Variants in SDCBP2 observed in about 807,000 individuals in gnomAD.
The protein encoded by SDCBP2 is syndecan binding protein 2.
Under a neutral mutation model 30.7 loss-of-function variants are expected in SDCBP2, and 28 were observed. The observed-to-expected ratio is 0.91, with a 90% CI of 0.68 to 1.25. SDCBP2 has a LOEUF of 1.25. Ranked by LOEUF, SDCBP2 falls within the 50% of genes most tolerant of loss-of-function variation. The pLI is 0.00. For missense variants in SDCBP2, 399 were observed against 379.0 expected (o/e 1.05, Z -0.44); for synonymous variants, 166 against 157.3 (o/e 1.06, Z -0.41).
At chr20:1,322,900 A>C (rs1473837303) in intron 1 of SDCBP2, 1 of 152,214 alleles carries the variant, frequency 6.6e-6, no homozygotes, top group Non-Finnish European at 1.5e-5. Flanking sequence ...ATTAGTGCCA[A>C]TATTTAAAAA....
In SDCBP2 at chr20:1,319,473, C is replaced by T. The variant is rs2088824039; in HGVS notation, c.124+117G>A. ...CTGGAAGCCTGGTCCTCTCTTCCCA[C>T]CATGTTGAGTCCTTAACCCTGGAGC... On this transcript the variant is annotated intron_variant, in intron 3 of 8. Coordinates refer to ENST00000360779, the MANE Select transcript of SDCBP2 (RefSeq NM_080489.5). 8.9e-6 allele frequency: 10 copies of T among 1,120,622 alleles called. No homozygotes were observed. The East Asian group carries it at 2.3e-4, about 26-fold the overall frequency. The allele number at this position is 1,120,622 out of a possible 1,614,324, so 69.4% of individuals were successfully genotyped here.
At position 1,312,593 on chromosome 20, in the gene SDCBP2, C is replaced by G; in HGVS notation, c.554G>C (p.Arg185Pro). The change falls in exon 6 of 9, where the codon CGG (arginine) becomes CCG (proline). Residue 185 changes from arginine to proline, a missense_variant. Coordinates refer to ENST00000360779, the MANE Select transcript of SDCBP2 (RefSeq NM_080489.5). ...CCCGGGCCTGGCTACTCACCTGTCC[C>G]GAACCACCACGACAATCTTATCGCC... ...ASGDKIVVVV[R>P]DRPFQRTVTM... 6.2e-7 allele frequency: 1 copy of G among 1,613,820 alleles called. No homozygotes were observed. Among genetic ancestry groups the G allele is most frequent in the South Asian group, 1.1e-5 (1 of 91,078 alleles).
rs2088641946 is a variant in SDCBP2 at position 1,310,372 on chromosome 20, CCG to C, written c.*67_*68del. 6.6e-7 allele frequency: 1 copy of C among 1,511,766 alleles called. No homozygotes were observed. The highest frequency in any genetic ancestry group is 1.4e-5 in the African/African-American group (1 of 72,984). The allele number at this position is 1,511,766 out of a possible 1,614,324, so 93.6% of individuals were successfully genotyped here. A position where few individuals can be genotyped will look rare whatever the true frequency, so the allele number is the denominator to read the frequency against. Reference sequence around the variant, plus strand: ...CAGCAGGCCGGCTGCAACCCATCATCCGAGGGTGGTTGCCCTTTGCTGCAGGA... The same window carrying C: ...CAGCAGGCCGGCTGCAACCCATCATCAGGGTGGTTGCCCTTTGCTGCAGGA... On this transcript the variant is annotated 3_prime_UTR_variant, in exon 9 of 9. Coordinates refer to ENST00000360779, the MANE Select transcript of SDCBP2 (RefSeq NM_080489.5).
chr20:1,325,224 G>C (rs747308150), intron 1 of SDCBP2, among the ~76,000 whole-genome samples: 2 of 152,286 alleles, frequency 1.3e-5, no homozygotes, highest in African/African-American at 2.4e-5. Context: ...ATCTCGAAAT[G>C]ACTATAACCC....
chr20:1,326,353 C>T (rs528166504), intron 1 of SDCBP2, among the ~76,000 whole-genome samples: 1 of 152,382 alleles, frequency 6.6e-6, no homozygotes, highest in East Asian at 1.9e-4. Flanking sequence ...GCCATACCTA[C>T]TTCTTGCCCT....
At chr20:1,318,201 TG>T in intron 4 of SDCBP2, 116 bp downstream of exon 4, 1 of 763,544 alleles carries the variant, frequency 1.3e-6, no homozygotes, top group Non-Finnish European at 2.4e-6. Flanking sequence ...AGCAGAGTGC[TG>T]GGGAGAGGGG....
intron 4 of SDCBP2, among the ~76,000 whole-genome samples, chr20:1,317,016 T>A (rs1284347441): frequency 1.3e-5 from 2 of 152,176 alleles, no homozygotes; most frequent in African/African-American, 2.4e-5. Flanking sequence ...ACGATTCCAC[T>A]TATGTAACAT....
At chr20:1,312,809 G>A in intron 5 of SDCBP2, 47 bp from the exon 6 acceptor site, 4 of 1,550,364 alleles carry the variant, frequency 2.6e-6, no homozygotes, top group Non-Finnish European at 3.5e-6. Context: ...CCCACCCTAG[G>A]CACAGATCCC....
At chr20:1,317,825 C>T in intron 4 of SDCBP2, 1 of 278,200 alleles carries the variant, frequency 3.6e-6, no homozygotes, top group East Asian at 1.0e-4. Flanking sequence ...TGGCAAGGGG[C>T]TTAGGCGGGG....
At chr20:1,317,542 A>T (rs1211093215) in intron 4 of SDCBP2, 1 of 153,922 alleles carries the variant, frequency 6.5e-6, no homozygotes, top group African/African-American at 2.4e-5. Flanking sequence ...CAGCACGACC[A>T]TGAAGGGGGC....
At position 1,320,487 on chromosome 20, in the gene SDCBP2, G is replaced by T; in HGVS notation, c.-19-52C>A. ...ATAAGGATGCAGCTGATGCCCCCTT[G>T]AAAGGAGGCACAGACATCCGCAACA... is the stretch of plus-strand genomic sequence containing the variant. On this transcript the variant is annotated intron_variant, in intron 1 of 8. Transcript: ENST00000360779. This position sits in a 1 kb window ranked among gnomAD's most constrained non-coding sequence, Gnocchi z 4.7. 2.9e-6 allele frequency: 4 copies of T among 1,392,254 alleles called. No individual in the cohort carries two copies. Among genetic ancestry groups the T allele is most frequent in the Non-Finnish European group, 4.0e-6 (4 of 995,372 alleles). 86.2% of individuals were successfully genotyped at this position (1,392,254 alleles called of 1,614,324 possible).
intron 4 of SDCBP2, among the ~76,000 whole-genome samples, chr20:1,314,488 C>CAAAAAAAA (rs57936330): frequency 1.1e-4 from 6 of 53,952 alleles, no homozygotes; most frequent in Admixed American, 5.8e-4. Flanking sequence ...GACTCCACCT[C>CAAAAAAAA]AAAAAAAAAA....
chr20:1,316,818 A>C (rs1007010793), intron 4 of SDCBP2, among the ~76,000 whole-genome samples: 7 of 152,214 alleles, frequency 4.6e-5, no homozygotes, highest in African/African-American at 1.7e-4. Context: ...TTTGTTTGTA[A>C]CCACCAAAAA....
At chr20:1,318,630 AC>A (rs2088812922) in intron 3 of SDCBP2, among the ~76,000 whole-genome samples, 2 of 152,108 alleles carry the variant, frequency 1.3e-5, no homozygotes, top group Admixed American at 6.5e-5. Context: ...GTCCTCATGC[AC>A]CACTTTGCTA....
chr20:1,316,501 T>A (rs1262657174), intron 4 of SDCBP2, among the ~76,000 whole-genome samples: 1 of 152,182 alleles, frequency 6.6e-6, no homozygotes, highest in Non-Finnish European at 1.5e-5. Flanking sequence ...GCAATCCTCC[T>A]GCCTCAGCCT....
In SDCBP2 at chr20:1,320,205, C is replaced by A. The variant is rs919847594; in HGVS notation, c.54+158G>T. On this transcript the variant is annotated intron_variant, in intron 2 of 8. Transcript: ENST00000360779. This position sits in a 1 kb window ranked among gnomAD's most constrained non-coding sequence, Gnocchi z 4.7. ...CTTGCTGTAACGCCATTGGCATTGC[C>A]CCCTGGATGTCTTCTCTGCCCAGCA... 6.6e-6 allele frequency among the ~76,000 whole-genome samples: 1 copy of A among 152,330 alleles called. No individual in the cohort carries two copies. Among genetic ancestry groups the A allele is most frequent in the Non-Finnish European group, 1.5e-5 (1 of 68,018 alleles).
intron 4 of SDCBP2, among the ~76,000 whole-genome samples, chr20:1,314,488 C>CAAAAAAAAAAAAAAA (rs57936330): frequency 1.9e-5 from 1 of 53,952 alleles, no homozygotes; most frequent in Non-Finnish European, 3.1e-5. Flanking sequence ...GACTCCACCT[C>CAAAAAAAAAAAAAAA]AAAAAAAAAA....
chr20:1,323,571 T>G (rs1440872187), intron 1 of SDCBP2: 2 of 152,196 alleles, frequency 1.3e-5, no homozygotes, highest in East Asian at 1.9e-4. Context: ...ATCTTAGTGC[T>G]GGGATGCGGG....
At chr20:1,325,232 C>T (rs554460742) in intron 1 of SDCBP2, among the ~76,000 whole-genome samples, 1 of 152,332 alleles carries the variant, frequency 6.6e-6, no homozygotes, top group South Asian at 2.1e-4. Context: ...ATGACTATAA[C>T]CCCTTTCTTA....
Sources: allele counts gnomAD v4.1 joint callset (sites outside exome capture counted in the v4.1 genomes callset), GRCh38; gene constraint gnomAD v4.1.1; non-coding constraint Gnocchi (gnomAD v3.1); transcripts MANE v1.5; gene names NCBI Gene and HGNC (gene_info 2026-07-23, HGNC 2026-07-21).